Variants in KCNQ5 observed in about 807,000 individuals in gnomAD.
KCNQ5 encodes the protein potassium voltage-gated channel subfamily KQT member 5.
Under a neutral mutation model 98.2 loss-of-function variants are expected in KCNQ5, and 30 were observed. The observed-to-expected ratio is 0.31, with a 90% CI of 0.23 to 0.41. The LOEUF (loss-of-function observed/expected upper bound fraction) is 0.41, where lower values mean the gene tolerates loss of function less well. Among genes scored for constraint, KCNQ5 ranks in the 10% least tolerant of loss-of-function variants. The pLI, the probability that KCNQ5 is intolerant of heterozygous loss-of-function variation, is 1.00. For missense variants in KCNQ5, 835 were observed against 1,182.5 expected, an observed-to-expected ratio of 0.71 and a Z score of 4.31; for synonymous variants, 458 against 449.4, an observed-to-expected ratio of 1.02 and a Z score of -0.24.
chr6:72,949,501 A>G (rs1456665330), intron 1 of KCNQ5, among the ~76,000 whole-genome samples: 1 of 152,094 alleles, frequency 6.6e-6, no homozygotes, highest in African/African-American at 2.4e-5. Flanking sequence ...TAAATGCAAC[A>G]TTTTTCTGAG....
intron 1 of KCNQ5, among the ~76,000 whole-genome samples, chr6:72,632,459 TA>T (rs1267814109): frequency 6.6e-6 from 1 of 152,122 alleles, no homozygotes; most frequent in Admixed American, 6.5e-5. Flanking sequence ...TTTCTTTTTT[TA>T]AAAAATCAAC....
At chr6:72,762,276 G>A (rs1247867610) in intron 1 of KCNQ5, among the ~76,000 whole-genome samples, 1 of 151,942 alleles carries the variant, frequency 6.6e-6, no homozygotes, top group Non-Finnish European at 1.5e-5. Flanking sequence ...TTAAATTGTT[G>A]GTTTTAGTTT....
chr6:72,999,560 G>A (rs1399600054), intron 1 of KCNQ5, among the ~76,000 whole-genome samples: 1 of 152,136 alleles, frequency 6.6e-6, no homozygotes. Context: ...GTGCAAAACT[G>A]GGCCCTCTTC....
intron 1 of KCNQ5, among the ~76,000 whole-genome samples, chr6:72,736,545 G>C (rs1770849518): frequency 7.4e-6 from 1 of 134,640 alleles, no homozygotes; most frequent in Non-Finnish European, 1.5e-5. Flanking sequence ...TGTCGCCCAG[G>C]CTGGAGTGCA....
At chr6:72,855,303 TAA>T (rs3035182) in intron 1 of KCNQ5, among the ~76,000 whole-genome samples, 39,601 of 150,244 alleles carry the variant, frequency 0.26, 5,197 homozygotes, top group South Asian at 0.3. Flanking sequence ...ACTAGATACT[TAA>T]AAAAAAAAAA....
chr6:72,633,710 T>G (rs527917521), intron 1 of KCNQ5, among the ~76,000 whole-genome samples: 1 of 152,146 alleles, frequency 6.6e-6, no homozygotes. Context: ...TGGAACAGAA[T>G]AGAAAATTCA....
chr6:72,902,294 C>T (rs1162556052), intron 1 of KCNQ5, among the ~76,000 whole-genome samples: 1 of 152,156 alleles, frequency 6.6e-6, no homozygotes, highest in Non-Finnish European at 1.5e-5. Flanking sequence ...CAAACAGTGA[C>T]AGTTTGACTT....
At chr6:73,014,928 A>C (rs1219091772) in intron 2 of KCNQ5, among the ~76,000 whole-genome samples, 1 of 152,104 alleles carries the variant, frequency 6.6e-6, no homozygotes, top group African/African-American at 2.4e-5. Context: ...AAAATCAGCC[A>C]CAAGCACATT....
At chr6:72,624,907 C>T (rs1302440043) in intron 1 of KCNQ5, among the ~76,000 whole-genome samples, 1 of 152,224 alleles carries the variant, frequency 6.6e-6, no homozygotes, top group Non-Finnish European at 1.5e-5. Context: ...CCAGACTTTA[C>T]ACATTACATT....
intron 1 of KCNQ5, among the ~76,000 whole-genome samples, chr6:72,813,109 A>C (rs549807799): frequency 1.3e-5 from 2 of 152,106 alleles, no homozygotes; most frequent in Non-Finnish European, 2.9e-5. Flanking sequence ...TTATTCACTC[A>C]TAAGGAACTA....
At chr6:72,925,944 A>C (rs1049721675) in intron 1 of KCNQ5, among the ~76,000 whole-genome samples, 1 of 152,228 alleles carries the variant, frequency 6.6e-6, no homozygotes, top group Non-Finnish European at 1.5e-5. Flanking sequence ...AGAGTTTTAC[A>C]CTTAGGAACT....
chr6:73,150,160 A>G (rs1431185550), intron 10 of KCNQ5, among the ~76,000 whole-genome samples: 2 of 152,076 alleles, frequency 1.3e-5, no homozygotes, highest in Non-Finnish European at 2.9e-5. Context: ...TACAGGAGAT[A>G]TCACTACACA....
At chr6:73,096,166 C>A (rs961838661) in intron 5 of KCNQ5, among the ~76,000 whole-genome samples, 17 of 152,044 alleles carry the variant, frequency 1.1e-4, no homozygotes, top group African/African-American at 3.6e-4. Context: ...GGAGGCATCC[C>A]GGATGGGAGA....
chr6:73,042,105 T>G (rs780424637), intron 3 of KCNQ5, 43 bp downstream of exon 3: 30 of 1,607,982 alleles, frequency 1.9e-5, no homozygotes, highest in Non-Finnish European at 2.3e-5. Context: ...GACACCAACA[T>G]TCTTGTCTTC....
At chr6:72,651,837 A>AT (rs1765891099) in intron 1 of KCNQ5, among the ~76,000 whole-genome samples, 2 of 152,182 alleles carry the variant, frequency 1.3e-5, no homozygotes, top group South Asian at 4.1e-4. Context: ...TGTCTGTGGT[A>AT]TTTGGGTTTA....
intron 1 of KCNQ5, among the ~76,000 whole-genome samples, chr6:72,821,675 A>C (rs1775759630): frequency 6.6e-6 from 1 of 151,452 alleles, no homozygotes; most frequent in South Asian, 2.1e-4. Context: ...AATTTCTGAC[A>C]TTACAAGTCT....
chr6:72,761,105 A>G (rs541559315), intron 1 of KCNQ5, among the ~76,000 whole-genome samples: 1 of 152,268 alleles, frequency 6.6e-6, no homozygotes. Context: ...CTAGAATTTG[A>G]CATTGTGAAG....
chr6:72,969,869 A>G (rs1562100514), intron 1 of KCNQ5, among the ~76,000 whole-genome samples: 1 of 152,184 alleles, frequency 6.6e-6, no homozygotes, highest in Non-Finnish European at 1.5e-5. Context: ...GACTGTCTGG[A>G]TAACAACGTC....
intron 1 of KCNQ5, among the ~76,000 whole-genome samples, chr6:72,926,404 A>G (rs960720062): frequency 1.3e-5 from 2 of 152,080 alleles, no homozygotes; most frequent in Non-Finnish European, 2.9e-5. Flanking sequence ...CCTTCTCTCT[A>G]TCTGGCACTT....
Sources: allele counts gnomAD v4.1 joint callset (sites outside exome capture counted in the v4.1 genomes callset), GRCh38; gene constraint gnomAD v4.1.1; transcripts MANE v1.5; gene names NCBI Gene and HGNC (gene_info 2026-07-23, HGNC 2026-07-21).